STK32B: variants seen among roughly 807,000 people sequenced by gnomAD.
STK32B encodes serine/threonine-protein kinase 32B.
STK32B carries 43 observed loss-of-function variants against 52.6 expected under a neutral mutation model. The ratio of observed to expected loss-of-function variants is 0.82; its 90% CI spans 0.64 to 1.05. STK32B has a LOEUF of 1.05. STK32B is among the 50% of genes least tolerant of loss of function. The probability of loss-of-function intolerance (pLI) is 0.00; values close to 1 mark genes in which losing one functional copy is unlikely to be tolerated. For missense variants in STK32B, 621 were observed against 534.6 expected, an observed-to-expected ratio of 1.16 and a Z score of -1.59; for synonymous variants, 238 against 204.3, an observed-to-expected ratio of 1.17 and a Z score of -1.41.
At chr4:5,035,940 C>T in the STK32B span, among the ~76,000 whole-genome samples, 4 of 152,098 alleles carry the variant, frequency 2.6e-5, no homozygotes, top group South Asian at 8.3e-4. Context: ...CGCCACCACA[C>T]CCGGCTAATT....
chr4:5,318,313 C>T (rs1731252916), intron 3 of STK32B, among the ~76,000 whole-genome samples: 2 of 151,980 alleles, frequency 1.3e-5, no homozygotes. Flanking sequence ...TGAAAGAAGG[C>T]CTGCCTGGGG....
intron 6 of STK32B, among the ~76,000 whole-genome samples, chr4:5,420,953 A>G (rs1312895140): frequency 6.6e-6 from 1 of 152,178 alleles, no homozygotes; most frequent in Non-Finnish European, 1.5e-5. Flanking sequence ...AAGCTAGAGT[A>G]TAATGGCATG....
intron 3 of STK32B, among the ~76,000 whole-genome samples, chr4:5,277,349 A>G (rs1435778593): frequency 6.6e-6 from 1 of 151,570 alleles, no homozygotes; most frequent in Non-Finnish European, 1.5e-5. Context: ...TCATTTCCAG[A>G]ACAAGAAAGC....
At chr4:5,343,018 T>C (rs1175708800) in intron 4 of STK32B, among the ~76,000 whole-genome samples, 2 of 152,170 alleles carry the variant, frequency 1.3e-5, no homozygotes, top group Non-Finnish European at 2.9e-5. Flanking sequence ...GTTACATATA[T>C]ATACATGTGC....
chr4:5,382,999 G>A lies in STK32B; in HGVS notation c.435-15208G>A, dbSNP rs530986270. On this transcript the variant is annotated intron_variant, in intron 4 of 11. Transcript: ENST00000282908. The stretch of plus-strand genomic sequence containing the variant: ...TGGAGGATACTCACAGAGAGATTGG[G>A]CCCTAAAAATAGCAATTCTTAAAAT... Among the ~76,000 whole-genome samples the A allele has an allele frequency of 1.6e-4, 25 of 152,268 alleles. 1 individual carries two copies. The South Asian group carries it at 4.2e-3, about 25-fold the overall frequency.
intron 3 of STK32B, among the ~76,000 whole-genome samples, chr4:5,202,240 G>A (rs1170319615): frequency 1.3e-5 from 2 of 152,248 alleles, no homozygotes; most frequent in East Asian, 3.9e-4. Context: ...AAATCTTAAA[G>A]CTCCAACATA....
intron 3 of STK32B, among the ~76,000 whole-genome samples, chr4:5,254,197 A>T (rs1440502871): frequency 1.3e-5 from 2 of 152,188 alleles, no homozygotes; most frequent in Non-Finnish European, 2.9e-5. Context: ...TTGCAAATTT[A>T]TACCTCTTTA....
rs140557476 is a variant in STK32B at position 5,176,177 on chromosome 4, C to T, written c.260+7727C>T. Among the ~76,000 whole-genome samples, 1,178 of 152,252 alleles carry T rather than the reference C, an allele frequency of 7.7e-3. 16 individuals carry two copies. The highest frequency in any genetic ancestry group is 0.01 in the Non-Finnish European group (699 of 68,018). On this transcript the variant is annotated intron_variant, in intron 3 of 11. Transcript: ENST00000282908. ...GCGTAGTATTAGGGTGGGAGTGACC[C>T]GATTTTCCAGGTGCCGGCTGTTACC...
Position 5,204,427 on chromosome 4 carries a change from G to GT in STK32B, c.260+35985dup, listed in dbSNP as rs1294481531. Among the ~76,000 whole-genome samples the GT allele has an allele frequency of 2.8e-5, 4 of 142,216 alleles. No homozygotes were observed. In the South Asian group the frequency reaches 6.4e-4, roughly 23 times the overall value. The allele number at this position is 142,216 out of a possible 152,430, so 93.3% of individuals were successfully genotyped here. A position where few individuals can be genotyped will look rare whatever the true frequency, so the allele number is the denominator to read the frequency against. On this transcript the variant is annotated intron_variant, in intron 3 of 11. Coordinates refer to ENST00000282908, the MANE Select transcript of STK32B (RefSeq NM_018401.3). ...TTGTTTGTTTGTTTTTGTTTTTTAG[G>GT]TTTTTTTTGTTTGTTTTTGTTTTTT...
At chr4:5,113,601 C>A (rs1714527298) in intron 1 of STK32B, among the ~76,000 whole-genome samples, 1 of 152,192 alleles carries the variant, frequency 6.6e-6, no homozygotes, top group African/African-American at 2.4e-5. Context: ...CATATCACTC[C>A]ATTTCTTTAA....
At chr4:5,226,887 A>G (rs1723914155) in intron 3 of STK32B, among the ~76,000 whole-genome samples, 1 of 152,226 alleles carries the variant, frequency 6.6e-6, no homozygotes, top group South Asian at 2.1e-4. Flanking sequence ...TCCGTGGATA[A>G]GGTGGGACTA....
intron 3 of STK32B, among the ~76,000 whole-genome samples, chr4:5,216,774 G>A (rs1295029601): frequency 6.6e-6 from 1 of 152,170 alleles, no homozygotes; most frequent in East Asian, 1.9e-4. Flanking sequence ...AGGTTAATAG[G>A]AAGCCATTAA....
At chr4:5,322,154 C>T (rs943117111) in intron 3 of STK32B, among the ~76,000 whole-genome samples, 1 of 151,868 alleles carries the variant, frequency 6.6e-6, no homozygotes, top group African/African-American at 2.4e-5. Context: ...GGCAACACAG[C>T]AAGATTTTGT....
At chr4:5,096,745 A>G (rs1713424972) in intron 1 of STK32B, among the ~76,000 whole-genome samples, 1 of 152,240 alleles carries the variant, frequency 6.6e-6, no homozygotes, top group Non-Finnish European at 1.5e-5. Flanking sequence ...TACATTTGTC[A>G]GCCCACATTC....
rs3072775 is a variant in STK32B at position 5,059,052 on chromosome 4, C to CTTTTTTTTTTTTTTTTTT, written c.52+7149_52+7166dup. On this transcript the variant is annotated intron_variant, in intron 1 of 11. Coordinates refer to ENST00000282908, the MANE Select transcript of STK32B (RefSeq NM_018401.3). ...AGGCGTGAGCCACCACGCCCAGCTG[C>CTTTTTTTTTTTTTTTTTT]TTTTTTTTTTTTTTTTTTTTTTTTT... is the stretch of plus-strand genomic sequence containing the variant. Among the ~76,000 whole-genome samples the CTTTTTTTTTTTTTTTTTT allele has an allele frequency of 1.6e-3, 136 of 86,888 alleles. 22 individuals are homozygous for CTTTTTTTTTTTTTTTTTT. The highest frequency in any genetic ancestry group is 2.7e-3 in the East Asian group (7 of 2,584). The allele number at this position is 86,888 out of a possible 152,430, so 57.0% of individuals were successfully genotyped here. A position where few individuals can be genotyped will look rare whatever the true frequency, so the allele number is the denominator to read the frequency against.
In STK32B at chr4:5,394,928, G is replaced by C. The variant is rs142420778; in HGVS notation, c.435-3279G>C. Among the ~76,000 whole-genome samples, 29 of 152,166 alleles carry C rather than the reference G, an allele frequency of 1.9e-4. No homozygotes were observed. Among genetic ancestry groups the C allele is most frequent in the African/African-American group, 6.8e-4 (28 of 41,438 alleles). On this transcript the variant is annotated intron_variant, in intron 4 of 11. Transcript: ENST00000282908. The surrounding 1 kb of genome is among the most constrained non-coding windows in gnomAD (Gnocchi z 4.2). ...CCATTTCCGTGGCCCAGGAGTCCAG[G>C]TGGGCTTAACTGGATCATCTGCATA...
intron 6 of STK32B, among the ~76,000 whole-genome samples, chr4:5,418,559 G>C (rs1712353662): frequency 6.6e-6 from 1 of 152,194 alleles, no homozygotes; most frequent in African/African-American, 2.4e-5. Context: ...GGAAGAAGGA[G>C]GCCTTAGGAA....
the STK32B span, among the ~76,000 whole-genome samples, chr4:5,030,127 C>G: frequency 2.0e-5 from 3 of 152,154 alleles, no homozygotes; most frequent in Non-Finnish European, 4.4e-5. Context: ...TATAAATTAC[C>G]CAGTCTTGAG....
At chr4:5,075,395 TCA>T (rs1712017778) in intron 1 of STK32B, among the ~76,000 whole-genome samples, 2 of 152,310 alleles carry the variant, frequency 1.3e-5, no homozygotes, top group Admixed American at 1.3e-4. Flanking sequence ...CTTGACAATG[TCA>T]CTTTTATTCA....
Sources: allele counts gnomAD v4.1 joint callset (sites outside exome capture counted in the v4.1 genomes callset), GRCh38; gene constraint gnomAD v4.1.1; non-coding constraint Gnocchi (gnomAD v3.1); transcripts MANE v1.5; gene names NCBI Gene and HGNC (gene_info 2026-07-23, HGNC 2026-07-21).